Variants in PSME3IP1 observed in about 807,000 individuals in gnomAD.
The protein encoded by PSME3IP1 is proteasome activator subunit 3 interacting protein 1.
Under a neutral mutation model 34.1 loss-of-function variants are expected in PSME3IP1, and 13 were observed. The observed-to-expected ratio is 0.38, with a 90% CI of 0.25 to 0.61. PSME3IP1 has a LOEUF of 0.61. PSME3IP1 is among the 20% of genes least tolerant of loss of function. The probability of loss-of-function intolerance (pLI) is 0.60; values close to 1 mark genes in which losing one functional copy is unlikely to be tolerated. For synonymous variants in PSME3IP1, 93 were observed against 114.3 expected, an observed-to-expected ratio of 0.81 and a Z score of 1.19; for missense variants, 237 against 301.4, an observed-to-expected ratio of 0.79 and a Z score of 1.58.
chr16:57,171,269 A>C (rs1428406664), intron 4 of PSME3IP1, among the ~76,000 whole-genome samples: 1 of 152,112 alleles, frequency 6.6e-6, no homozygotes, highest in Non-Finnish European at 1.5e-5. Context: ...AGAGAACATA[A>C]AGAAGGCCAG....
chr16:57,155,463 A>C (rs1243889883), intron 6 of PSME3IP1, among the ~76,000 whole-genome samples: 7 of 152,140 alleles, frequency 4.6e-5, no homozygotes, highest in African/African-American at 1.7e-4. Flanking sequence ...TCTCTACGAG[A>C]AAATGTTTTG....
At position 57,153,995 on chromosome 16, in the gene PSME3IP1, C is replaced by G. The variant is rs572629065; in HGVS notation, c.*295G>C. Reference sequence around the variant, plus strand: ...TTTGGCAAGCCAGCCGGTGCCTATTCTCCTGGGGCATTTTTAGTGGAACTT... The same window carrying G: ...TTTGGCAAGCCAGCCGGTGCCTATTGTCCTGGGGCATTTTTAGTGGAACTT... On this transcript the variant is annotated 3_prime_UTR_variant, in exon 7 of 7. Coordinates refer to ENST00000309137, the MANE Select transcript of PSME3IP1 (RefSeq NM_024946.4). The G allele has an allele frequency of 4.6e-4, 174 of 382,014 alleles. No homozygotes were observed. Among genetic ancestry groups the G allele is most frequent in the African/African-American group, 3.4e-3 (163 of 48,340 alleles). 23.7% of individuals were successfully genotyped at this position (382,014 alleles called of 1,614,324 possible).
At chr16:57,172,598 C>T (rs2072714300) in intron 3 of PSME3IP1, among the ~76,000 whole-genome samples, 178 bp downstream of exon 3, 1 of 151,994 alleles carries the variant, frequency 6.6e-6, no homozygotes, top group Non-Finnish European at 1.5e-5. Context: ...GAGCTCTAAA[C>T]AAAAATATTC....
intron 1 of PSME3IP1, among the ~76,000 whole-genome samples, chr16:57,176,131 T>A (rs1318595543): frequency 2.6e-5 from 4 of 152,210 alleles, no homozygotes; most frequent in African/African-American, 4.8e-5. Flanking sequence ...CAAAAATTCC[T>A]CAAGTTCTAC....
Position 57,154,529 on chromosome 16 carries a change from T to C in PSME3IP1, c.548-22A>G, listed in dbSNP as rs770185271. On this transcript the variant is annotated intron_variant, in intron 6 of 6. Coordinates refer to ENST00000309137, the MANE Select transcript of PSME3IP1 (RefSeq NM_024946.4). The surrounding 1 kb of genome is among the most constrained non-coding windows in gnomAD (Gnocchi z 4.0). ...GGCTCTGCAATAAAAGGGGAAAGAC[T>C]GTCACTTCATCACCCTTTTCCAAAG... The C allele has an allele frequency of 6.4e-7, 1 of 1,566,586 alleles. No individual in the cohort carries two copies.
rs1007276452 is a variant in PSME3IP1 at position 57,161,497 on chromosome 16, G to T, written c.547+2504C>A. Among the ~76,000 whole-genome samples the T allele has an allele frequency of 3.6e-4, 54 of 148,094 alleles. No individual in the cohort carries two copies. The East Asian group carries it at 4.6e-3, about 12-fold the overall frequency. The stretch of plus-strand genomic sequence containing the variant: ...TAGCCAAATATAATGTCTGGTCCTT[G>T]CTAAGATCATAATTTTTTTTTTTTT... On this transcript the variant is annotated intron_variant, in intron 6 of 6. Transcript: ENST00000309137.
intron 1 of PSME3IP1, chr16:57,185,546 T>A (rs1294774735): frequency 1.8e-5 from 18 of 985,366 alleles, no homozygotes; most frequent in Non-Finnish European, 2.0e-5. Flanking sequence ...TGGCCCTACC[T>A]AGCAGAAAAT....
intron 1 of PSME3IP1, among the ~76,000 whole-genome samples, chr16:57,183,680 T>C (rs566461347): frequency 6.6e-6 from 1 of 152,304 alleles, no homozygotes; most frequent in South Asian, 2.1e-4. Context: ...AGTAAAGAAT[T>C]TGGACACAAT....
intron 1 of PSME3IP1, chr16:57,181,496 T>C (rs1487645967): frequency 1.3e-5 from 2 of 152,220 alleles, no homozygotes; most frequent in Non-Finnish European, 2.9e-5. Context: ...ACCAATTCTG[T>C]AGCAGACACC....
intron 1 of PSME3IP1, among the ~76,000 whole-genome samples, chr16:57,180,596 A>G (rs1188578027): frequency 2.0e-5 from 3 of 151,868 alleles, no homozygotes; most frequent in East Asian, 3.9e-4. Flanking sequence ...CGTCTCAGAA[A>G]AAGAAAAAAA....
intron 1 of PSME3IP1, chr16:57,185,552 A>G: frequency 1.0e-6 from 1 of 985,542 alleles, no homozygotes; most frequent in Non-Finnish European, 1.2e-6. Context: ...TACCTAGCAG[A>G]AAATTGGGGA....
In PSME3IP1 at chr16:57,173,489, C is replaced by G. The variant is rs150586354; in HGVS notation, c.127+239G>C. Reference sequence around the variant, plus strand: ...ACCAAAAATACAAAAATTAGCCAGGCGTGGTGGCTGGTGCCTGTAATCCCA... The same window carrying G: ...ACCAAAAATACAAAAATTAGCCAGGGGTGGTGGCTGGTGCCTGTAATCCCA... On this transcript the variant is annotated intron_variant, in intron 2 of 6. Coordinates refer to ENST00000309137, the MANE Select transcript of PSME3IP1 (RefSeq NM_024946.4). 7.6e-3 allele frequency among the ~76,000 whole-genome samples: 1,155 copies of G among 152,200 alleles called. 18 individuals are homozygous for G. The highest frequency in any genetic ancestry group is 0.026 in the African/African-American group (1,087 of 41,522).
chr16:57,169,595 A>G (rs1476577033), intron 4 of PSME3IP1, among the ~76,000 whole-genome samples: 1 of 152,202 alleles, frequency 6.6e-6, no homozygotes, highest in African/African-American at 2.4e-5. Flanking sequence ...TGTTACCAGG[A>G]CACAAAGGTT....
Position 57,153,045 on chromosome 16 carries a change from A to C in PSME3IP1, c.*1245T>G, listed in dbSNP as rs140995709. On this transcript the variant is annotated 3_prime_UTR_variant, in exon 7 of 7. Transcript: ENST00000309137. Reference sequence around the variant, plus strand: ...GAAAGTAAAAACAATTGATGTAGGAATAAGGGGAATGGATAAAGAATGGTA... The same window carrying C: ...GAAAGTAAAAACAATTGATGTAGGACTAAGGGGAATGGATAAAGAATGGTA... 1 of 152,818 alleles carries C rather than the reference A, an allele frequency of 6.5e-6. No homozygotes were observed. The highest frequency in any genetic ancestry group is 1.5e-5 in the Non-Finnish European group (1 of 68,036). The allele number at this position is 152,818 out of a possible 1,614,324, so 9.5% of individuals were successfully genotyped here.
At chr16:57,177,708 TTAAAAC>T (rs1364592868) in intron 1 of PSME3IP1, among the ~76,000 whole-genome samples, 1 of 152,156 alleles carries the variant, frequency 6.6e-6, no homozygotes, top group Non-Finnish European at 1.5e-5. Flanking sequence ...AGTCTGCTCT[TTAAAAC>T]TAATATCTTA....
At chr16:57,164,796 C>T (rs1045390868) in intron 5 of PSME3IP1, among the ~76,000 whole-genome samples, 6 of 152,070 alleles carry the variant, frequency 3.9e-5, no homozygotes, top group Non-Finnish European at 8.8e-5. Flanking sequence ...CGTTGGGAGG[C>T]CAAGACGGAC....
chr16:57,160,140 A>C (rs1160625991), intron 6 of PSME3IP1, among the ~76,000 whole-genome samples: 1 of 152,016 alleles, frequency 6.6e-6, no homozygotes, highest in Non-Finnish European at 1.5e-5. Flanking sequence ...AATACAAAAA[A>C]TTAGCCGGGC....
chr16:57,165,569 GGCA>G (rs1375543892), intron 5 of PSME3IP1, among the ~76,000 whole-genome samples: 5 of 152,120 alleles, frequency 3.3e-5, no homozygotes, highest in African/African-American at 9.7e-5. Flanking sequence ...ACCTTCACCA[GGCA>G]GCAGAATCAC....
chr16:57,182,486 G>C (rs144748379), intron 1 of PSME3IP1, among the ~76,000 whole-genome samples: 1 of 134,774 alleles, frequency 7.4e-6, no homozygotes, highest in East Asian at 2.2e-4. Flanking sequence ...GCTGAGACTG[G>C]AGGACTGCTT....
Sources: allele counts gnomAD v4.1 joint callset (sites outside exome capture counted in the v4.1 genomes callset), GRCh38; gene constraint gnomAD v4.1.1; non-coding constraint Gnocchi (gnomAD v3.1); transcripts MANE v1.5; gene names NCBI Gene and HGNC (gene_info 2026-07-23, HGNC 2026-07-21).